The following SPINK5 variants were observed in gnomAD, a reference collection of about 807,000 sequenced individuals.
SPINK5 encodes the protein serine peptidase inhibitor Kazal type 5.
In SPINK5, 125 loss-of-function variants were observed where a neutral mutation model predicts 151.8. The observed-to-expected ratio is 0.82, with a 90% CI of 0.71 to 0.96. SPINK5 has a LOEUF of 0.96. SPINK5 is among the 40% of genes least tolerant of loss of function. The probability of loss-of-function intolerance (pLI) is 0.00; values close to 1 mark genes in which losing one functional copy is unlikely to be tolerated. For synonymous variants in SPINK5, 374 were observed against 395.3 expected, an observed-to-expected ratio of 0.95 and a Z score of 0.64; for missense variants, 1,194 against 1,291.9, an observed-to-expected ratio of 0.92 and a Z score of 1.16.
chr5:148,089,771 T>A, intron 7 of SPINK5, 150 bp downstream of exon 7: 1 of 1,124,048 alleles, frequency 8.9e-7, no homozygotes, highest in Non-Finnish European at 1.3e-6. Context: ...GAAAGGCTTC[T>A]TTTCTTTTTC....
Position 148,136,362 on chromosome 5 carries a change from G to C in SPINK5, c.3187-621G>C, listed in dbSNP as rs567771282. On this transcript the variant is annotated intron_variant, in intron 32 of 32. Coordinates refer to ENST00000256084, the MANE Select transcript of SPINK5 (RefSeq NM_006846.4). ...AGAAAACCTCCTGGAGTTGATATAG[G>C]CAATGAAGTGGAGATTTGAGTTTGG... Among the ~76,000 whole-genome samples the C allele has an allele frequency of 3.9e-3, 593 of 152,226 alleles. 5 individuals are homozygous for C. The highest frequency in any genetic ancestry group is 0.021 in the Middle Eastern group (6 of 292).
rs1401183896 is a variant in SPINK5 at position 148,086,567 on chromosome 5, A to C, written c.410+35A>C. The C allele has an allele frequency of 2.5e-6, 4 of 1,606,792 alleles. No individual in the cohort carries two copies. In the Admixed American group the frequency reaches 5.0e-5, roughly 20 times the overall value. ...CTCTGAAGTAGGCTTTCTCCCTAAA[A>C]CGTGTTCTCTCTATAATTACATGAC... is the stretch of plus-strand genomic sequence containing the variant. On this transcript the variant is annotated intron_variant, in intron 5 of 32. Coordinates refer to ENST00000256084, the MANE Select transcript of SPINK5 (RefSeq NM_006846.4).
intron 23 of SPINK5, 144 bp downstream of exon 23, chr5:148,118,708 C>A: frequency 8.1e-7 from 1 of 1,237,982 alleles, no homozygotes; most frequent in Non-Finnish European, 1.1e-6. Context: ...CTCTTGCGTT[C>A]TCTAAGGAAC....
intron 26 of SPINK5, among the ~76,000 whole-genome samples, chr5:148,121,043 G>A (rs927171273): frequency 1.6e-4 from 24 of 147,470 alleles, no homozygotes; most frequent in Non-Finnish European, 3.0e-5. Context: ...TACTTAGGAG[G>A]CTGAGGCAGG....
At chr5:148,112,010 T>C (rs1412276565) in intron 19 of SPINK5, 115 bp downstream of exon 19, 3 of 1,507,094 alleles carry the variant, frequency 2.0e-6, no homozygotes, top group Non-Finnish European at 2.7e-6. Context: ...AGGCTGTCTT[T>C]GCACTGAGTT....
At chr5:148,107,281 CA>C in intron 17 of SPINK5, 117 bp downstream of exon 17, 1 of 1,395,954 alleles carries the variant, frequency 7.2e-7, no homozygotes. Flanking sequence ...GAAAGGTTTA[CA>C]AGCAGATGGA....
At chr5:148,078,048 A>G (rs969355121) in intron 4 of SPINK5, among the ~76,000 whole-genome samples, 3 of 151,174 alleles carry the variant, frequency 2.0e-5, no homozygotes, top group African/African-American at 7.3e-5. Flanking sequence ...ACTATAAGCT[A>G]TCTCCAGTAG....
At chr5:148,118,370 A>G in intron 22 of SPINK5, 67 bp from the exon 23 acceptor site, 1 of 1,608,530 alleles carries the variant, frequency 6.2e-7, no homozygotes, top group Non-Finnish European at 8.5e-7. Context: ...TCAGACTGTT[A>G]AAACAATTTA....
At chr5:148,101,640 A>G in intron 14 of SPINK5, 141 bp from the exon 15 acceptor site, 1 of 1,335,944 alleles carries the variant, frequency 7.5e-7, no homozygotes, top group Non-Finnish European at 1.1e-6. Flanking sequence ...CACTTAAAAA[A>G]TCCATGCCTT....
chr5:148,119,612 G>A (rs1414656994), intron 24 of SPINK5, among the ~76,000 whole-genome samples: 37 of 152,064 alleles, frequency 2.4e-4, no homozygotes, highest in Non-Finnish European at 2.9e-5. Context: ...TTGGCTTGTG[G>A]CCACCCTTAA....
chr5:148,122,324 T>C (rs541536188), intron 26 of SPINK5, among the ~76,000 whole-genome samples: 99 of 152,318 alleles, frequency 6.5e-4, no homozygotes, highest in Non-Finnish European at 1.1e-3. Context: ...ACATTTAATA[T>C]GTTGATAGGT....
chr5:148,080,110 C>A (rs1446536492), intron 4 of SPINK5, among the ~76,000 whole-genome samples: 1 of 150,822 alleles, frequency 6.6e-6, no homozygotes, highest in East Asian at 2.0e-4. Context: ...TATATACTAG[C>A]AATGAACAAT....
At chr5:148,116,536 T>C (rs1754097975) in intron 22 of SPINK5, 70 bp downstream of exon 22, 1 of 1,432,716 alleles carries the variant, frequency 7.0e-7, no homozygotes, top group Non-Finnish European at 9.9e-7. Flanking sequence ...GTGAATAGCG[T>C]ATATAGTCTA....
chr5:148,101,392 A>G lies in SPINK5; in HGVS notation c.1258A>G (p.Lys420Glu), dbSNP rs2303067. ...AGAAGAAAAGAAAAAGAAGGAAGGT[A>G]AATCAAGAAACAAAAGACAATCTAA... ...EEEEKKKKEG[K>E]SRNKRQSKST... The change falls in exon 14 of 33, where the codon AAA becomes GAA. Residue 420 changes from lysine (K) to glutamate (E), a missense_variant. Coordinates refer to ENST00000256084, the MANE Select transcript of SPINK5 (RefSeq NM_006846.4). The G allele has an allele frequency of 0.51, 815,517 of 1,604,162 alleles. 212,969 individuals are homozygous for G. The highest frequency in any genetic ancestry group is 0.66 in the Admixed American group (39,397 of 59,856).
intron 7 of SPINK5, 189 bp from the exon 8 acceptor site, chr5:148,090,976 T>C: frequency 1.7e-6 from 1 of 589,692 alleles, no homozygotes; most frequent in Non-Finnish European, 3.0e-6. Context: ...GCTATTGCCG[T>C]CTTTCTTTCT....
intron 30 of SPINK5, among the ~76,000 whole-genome samples, chr5:148,128,422 A>G (rs1165669478): frequency 6.6e-6 from 1 of 152,014 alleles, no homozygotes; most frequent in African/African-American, 2.4e-5. Flanking sequence ...GGAGAAATAA[A>G]TCTTTCATTA....
At chr5:148,069,586 A>G (rs1468355039) in intron 2 of SPINK5, among the ~76,000 whole-genome samples, 1 of 152,108 alleles carries the variant, frequency 6.6e-6, no homozygotes, top group Non-Finnish European at 1.5e-5. Flanking sequence ...AGTAGTGCTG[A>G]TGACATTTGT....
chr5:148,085,936 C>T (rs1753142007), intron 4 of SPINK5, among the ~76,000 whole-genome samples: 1 of 151,862 alleles, frequency 6.6e-6, no homozygotes, highest in African/African-American at 2.4e-5. Context: ...TGTTAAATAA[C>T]TTGTCCAAGT....
chr5:148,075,941 A>G (rs1357319466), intron 4 of SPINK5, among the ~76,000 whole-genome samples: 1 of 151,780 alleles, frequency 6.6e-6, no homozygotes, highest in Non-Finnish European at 1.5e-5. Context: ...ACCAAGGGTA[A>G]GGAAAATGGT....
Sources: gnomAD v4.1 joint callset for allele counts (sites outside exome capture counted in the v4.1 genomes callset) on GRCh38, gnomAD v4.1.1 for gene constraint, MANE v1.5 for transcripts, NCBI Gene and HGNC (gene_info 2026-07-23, HGNC 2026-07-21) for gene names.